The following QTGAL variants were observed in gnomAD, a reference collection of about 807,000 sequenced individuals.
QTGAL encodes the protein queuosine-tRNA galactosyltransferase.
the QTGAL span, among the ~76,000 whole-genome samples, chr17:82,972,475 G>T: frequency 8.2e-6 from 1 of 121,236 alleles, no homozygotes; most frequent in Non-Finnish European, 1.6e-5. Context: ...CACACCACAG[G>T]GGCTAGAAGG....
At chr17:82,956,579 A>G in the QTGAL span, 3 of 1,193,124 alleles carry the variant, frequency 2.5e-6, no homozygotes, top group Admixed American at 5.4e-5. This position sits in a 1 kb window ranked among gnomAD's most constrained non-coding sequence, Gnocchi z 5.7. Context: ...CCCCATGCCC[A>G]CCATCGGCTG....
At chr17:82,942,616 C>T in the QTGAL span, 6 of 964,962 alleles carry the variant, frequency 6.2e-6, no homozygotes, top group African/African-American at 1.6e-5. Context: ...AGCTTTTCCT[C>T]TCTGCACCTG....
chr17:82,961,479 C>T, the QTGAL span: 7 of 410,142 alleles, frequency 1.7e-5, no homozygotes, highest in Non-Finnish European at 3.2e-5. Flanking sequence ...GACAGGCAGC[C>T]GAGGAAAGGG....
chr17:83,026,354 C>G, the QTGAL span, among the ~76,000 whole-genome samples: 3 of 152,218 alleles, frequency 2.0e-5, no homozygotes, highest in Non-Finnish European at 4.4e-5. Flanking sequence ...TTCCTCAAAG[C>G]AAAAACCTGG....
the QTGAL span, among the ~76,000 whole-genome samples, chr17:83,013,409 GCCC>G: frequency 2.4e-5 from 2 of 84,236 alleles, no homozygotes; most frequent in Non-Finnish European, 4.5e-5. Context: ...CCTCAATGCT[GCCC>G]CCCCAAACCC....
At chr17:83,012,563 C>G in the QTGAL span, among the ~76,000 whole-genome samples, 3 of 152,302 alleles carry the variant, frequency 2.0e-5, no homozygotes, top group South Asian at 6.2e-4. Context: ...GCTCACGGGC[C>G]GGCACAGGGT....
chr17:82,953,282 GC>G, the QTGAL span, among the ~76,000 whole-genome samples: 1 of 151,334 alleles, frequency 6.6e-6, no homozygotes, highest in Admixed American at 6.6e-5. Context: ...CACTAGCCAG[GC>G]AAAGAAAAGA....
At chr17:83,014,403 A>G in the QTGAL span, 83 of 1,577,738 alleles carry the variant, frequency 5.3e-5, no homozygotes, top group Non-Finnish European at 7.1e-5. Context: ...AAAAAACCAC[A>G]GTGGTAATTT....
At chr17:83,032,353 T>C in the QTGAL span, among the ~76,000 whole-genome samples, 658 of 108,966 alleles carry the variant, frequency 6.0e-3, 25 homozygotes, top group African/African-American at 0.026. Flanking sequence ...GAACAACGGG[T>C]CAGACCAGGC....
At chr17:82,956,457 C>T in the QTGAL span, among the ~76,000 whole-genome samples, 4 of 152,166 alleles carry the variant, frequency 2.6e-5, no homozygotes, top group Admixed American at 1.3e-4. The surrounding 1 kb of genome is among the most constrained non-coding windows in gnomAD (Gnocchi z 5.7). Context: ...CGGAATCCAT[C>T]CCCCCCACAC....
At chr17:82,973,288 A>C in the QTGAL span, among the ~76,000 whole-genome samples, 1 of 152,150 alleles carries the variant, frequency 6.6e-6, no homozygotes, top group Non-Finnish European at 1.5e-5. Flanking sequence ...TGAAGATTGA[A>C]AACACCTGTG....
the QTGAL span, chr17:82,945,536 A>G: frequency 2.0e-5 from 3 of 152,246 alleles, no homozygotes; most frequent in Non-Finnish European, 4.4e-5. Context: ...ATAGCTGTCA[A>G]GTTGCTTGAA....
chr17:82,986,719 C>T, the QTGAL span, among the ~76,000 whole-genome samples: 140 of 152,332 alleles, frequency 9.2e-4, 1 homozygote, highest in African/African-American at 3.2e-3. Flanking sequence ...ACGTTAGAAG[C>T]CAGTGATCCT....
chr17:82,974,923 C>A, the QTGAL span, among the ~76,000 whole-genome samples: 1 of 148,642 alleles, frequency 6.7e-6, no homozygotes, highest in Non-Finnish European at 1.5e-5. Context: ...GAACCAGGGC[C>A]CCAGGACAGA....
At chr17:82,956,002 G>A in the QTGAL span, among the ~76,000 whole-genome samples, 4 of 151,264 alleles carry the variant, frequency 2.6e-5, no homozygotes, top group African/African-American at 9.7e-5. This position sits in a 1 kb window ranked among gnomAD's most constrained non-coding sequence, Gnocchi z 5.7. Flanking sequence ...CTGTTGGAGG[G>A]TGGGGGGCAA....
At chr17:82,971,472 C>T in the QTGAL span, among the ~76,000 whole-genome samples, 16 of 152,162 alleles carry the variant, frequency 1.1e-4, no homozygotes, top group South Asian at 2.5e-3. Flanking sequence ...GGGCCAGCCA[C>T]GCGCCGTCTC....
chr17:83,006,419 G>A, the QTGAL span: 2 of 984,892 alleles, frequency 2.0e-6, no homozygotes, highest in African/African-American at 3.5e-5. The surrounding 1 kb of genome is among the most constrained non-coding windows in gnomAD (Gnocchi z 5.8). Flanking sequence ...AATTCACATT[G>A]CAGCTGTAAG....
At chr17:83,051,001 T>TGTGTGGGGGCACACGGACAG in the QTGAL span, among the ~76,000 whole-genome samples, 3 of 146,812 alleles carry the variant, frequency 2.0e-5, no homozygotes, top group African/African-American at 7.7e-5. Flanking sequence ...GGTGCGAGGT[T>TGTGTGGGGGCACACGGACAG]GTGTGGGGGC....
the QTGAL span, among the ~76,000 whole-genome samples, chr17:82,991,927 G>A: frequency 1.2e-4 from 19 of 152,142 alleles, no homozygotes; most frequent in African/African-American, 4.6e-4. Context: ...ACTAAAGAAT[G>A]AATCAGAACT....
Sources: gnomAD v4.1 joint callset for allele counts (sites outside exome capture counted in the v4.1 genomes callset) on GRCh38, gnomAD v4.1.1 for gene constraint, Gnocchi (gnomAD v3.1) non-coding constraint, MANE v1.5 for transcripts, NCBI Gene and HGNC (gene_info 2026-07-23, HGNC 2026-07-21) for gene names.